The following LIN52 variants were observed in gnomAD, a reference collection of about 807,000 sequenced individuals.
LIN52 encodes protein lin-52 homolog.
LIN52 carries 4 observed loss-of-function variants against 18.5 expected under a neutral mutation model. The ratio of observed to expected loss-of-function variants is 0.22; its 90% CI spans 0.11 to 0.49. The LOEUF is 0.49. Ranked by LOEUF, LIN52 falls within the 20% of genes least tolerant of loss-of-function variation. The pLI is 0.97. For missense variants in LIN52, 102 were observed against 139.5 expected, an observed-to-expected ratio of 0.73 and a Z score of 1.35; for synonymous variants, 34 against 45.5, an observed-to-expected ratio of 0.75 and a Z score of 1.02.
At chr14:74,114,802 A>G (rs1433933193) in intron 5 of LIN52, among the ~76,000 whole-genome samples, 2 of 152,206 alleles carry the variant, frequency 1.3e-5, no homozygotes, top group African/African-American at 4.8e-5. Context: ...AAAGAAATCA[A>G]TATGTGAAAT....
intron 5 of LIN52, among the ~76,000 whole-genome samples, chr14:74,195,212 G>C (rs966705051): frequency 6.6e-6 from 1 of 152,108 alleles, no homozygotes; most frequent in African/African-American, 2.4e-5. Context: ...TCCCAATCTT[G>C]TTGTGTCTAG....
intron 1 of LIN52, among the ~76,000 whole-genome samples, chr14:74,090,126 C>G (rs1052899743): frequency 2.0e-5 from 3 of 148,428 alleles, no homozygotes; most frequent in African/African-American, 7.5e-5. Context: ...TCAAACGATT[C>G]TCCTGCCTCA....
intron 5 of LIN52, among the ~76,000 whole-genome samples, chr14:74,193,747 G>A (rs551676078): frequency 6.6e-6 from 1 of 152,150 alleles, no homozygotes; most frequent in Non-Finnish European, 1.5e-5. Context: ...TTGGTAATTT[G>A]CCTATGTGGC....
At chr14:74,166,083 G>T (rs1490809565) in intron 5 of LIN52, among the ~76,000 whole-genome samples, 1 of 151,118 alleles carries the variant, frequency 6.6e-6, no homozygotes, top group Non-Finnish European at 1.5e-5. Context: ...TGGAGACGGG[G>T]TTTCTCCATG....
chr14:74,135,327 T>A (rs973713109), intron 5 of LIN52, among the ~76,000 whole-genome samples: 4 of 152,212 alleles, frequency 2.6e-5, no homozygotes, highest in Non-Finnish European at 5.9e-5. Flanking sequence ...CCTCCCAAAG[T>A]GCTGGGATTA....
chr14:74,130,278 G>GTTTTTTTTTTGTT (rs1566856483), intron 5 of LIN52, among the ~76,000 whole-genome samples: 1 of 64,842 alleles, frequency 1.5e-5, no homozygotes, highest in East Asian at 4.6e-4. Context: ...GCATTTTTTG[G>GTTTTTTTTTTGTT]TTTTTTTTTT....
intron 5 of LIN52, among the ~76,000 whole-genome samples, chr14:74,129,871 A>G (rs1012375379): frequency 1.3e-5 from 2 of 152,174 alleles, no homozygotes; most frequent in Non-Finnish European, 2.9e-5. Flanking sequence ...TGCTGCTGAT[A>G]AAGACATACC....
chr14:74,137,950 C>T (rs543514950), intron 5 of LIN52, among the ~76,000 whole-genome samples: 2 of 152,172 alleles, frequency 1.3e-5, no homozygotes, highest in South Asian at 2.1e-4. Context: ...TTCTGGTATC[C>T]TCTCCTTCTT....
chr14:74,157,287 C>A (rs536466746), intron 5 of LIN52, among the ~76,000 whole-genome samples: 33 of 152,040 alleles, frequency 2.2e-4, no homozygotes, highest in Non-Finnish European at 3.2e-4. Context: ...CCCGCCTCAG[C>A]CTCCCAAAGT....
intron 3 of LIN52, 139 bp downstream of exon 3, chr14:74,096,124 G>T: frequency 3.8e-6 from 2 of 529,470 alleles, no homozygotes; most frequent in South Asian, 3.0e-5. Context: ...GCAGTGGTAC[G>T]ATCTCGGCTC....
chr14:74,196,341 T>C (rs1247926896), intron 5 of LIN52, among the ~76,000 whole-genome samples: 1 of 152,184 alleles, frequency 6.6e-6, no homozygotes, highest in African/African-American at 2.4e-5. Flanking sequence ...ATATTGGTCA[T>C]TTTCCCATTT....
intron 5 of LIN52, among the ~76,000 whole-genome samples, chr14:74,103,474 C>G (rs1426508721): frequency 6.8e-6 from 1 of 147,906 alleles, no homozygotes; most frequent in African/African-American, 2.5e-5. Flanking sequence ...CTCTTGTTGC[C>G]CAGGCTGGAG....
At chr14:74,130,295 T>TTTTTTTTTTTTTTTTTTTTTTTC (rs1315000657) in intron 5 of LIN52, among the ~76,000 whole-genome samples, 9 of 140,276 alleles carry the variant, frequency 6.4e-5, no homozygotes, top group Non-Finnish European at 1.1e-4. Context: ...TTTTTTTTTT[T>TTTTTTTTTTTTTTTTTTTTTTTC]TGAGACAGTC....
rs2061150902 is a variant in LIN52 at position 74,145,847 on chromosome 14, G to A, written c.283+44609G>A. On this transcript the variant is annotated intron_variant, in intron 5 of 5. Coordinates refer to ENST00000555028, the MANE Select transcript of LIN52 (RefSeq NM_001024674.3). ...TTTTGAAACCAGTCCAAAACACCTT[G>A]CCCTGTGTCTGAGGGTGTTTTTTTC... Among the ~76,000 whole-genome samples, 3 of 152,176 alleles carry A rather than the reference G, an allele frequency of 2.0e-5. No homozygotes were observed. In the South Asian group the frequency reaches 6.2e-4, roughly 32 times the overall value.
At chr14:74,166,783 G>A (rs1408115666) in intron 5 of LIN52, among the ~76,000 whole-genome samples, 3 of 152,046 alleles carry the variant, frequency 2.0e-5, no homozygotes, top group Non-Finnish European at 2.9e-5. Flanking sequence ...ATTCACTTGG[G>A]AAAAAATAAA....
chr14:74,092,720 C>G (rs1456954388), intron 2 of LIN52, among the ~76,000 whole-genome samples: 12 of 151,358 alleles, frequency 7.9e-5, no homozygotes, highest in Admixed American at 7.2e-4. Context: ...AGTTTGAGAC[C>G]AGCCTCGCCA....
intron 5 of LIN52, among the ~76,000 whole-genome samples, chr14:74,126,985 G>C (rs1047233379): frequency 1.5e-4 from 23 of 152,074 alleles, no homozygotes; most frequent in Non-Finnish European, 1.5e-5. Context: ...ATTTAGCTTC[G>C]TGACCTTGGT....
intron 5 of LIN52, among the ~76,000 whole-genome samples, chr14:74,134,903 G>A (rs2061088989): frequency 6.6e-6 from 1 of 152,152 alleles, no homozygotes; most frequent in Non-Finnish European, 1.5e-5. Flanking sequence ...CTTCCTTATA[G>A]TAATTTTGAA....
At chr14:74,165,347 G>A (rs2061243944) in intron 5 of LIN52, among the ~76,000 whole-genome samples, 1 of 151,830 alleles carries the variant, frequency 6.6e-6, no homozygotes, top group Admixed American at 6.6e-5. Flanking sequence ...AAAATCAGGA[G>A]GTAGCAATAC....
Sources: gnomAD v4.1 joint callset for allele counts (sites outside exome capture counted in the v4.1 genomes callset) on GRCh38, gnomAD v4.1.1 for gene constraint, MANE v1.5 for transcripts, NCBI Gene and HGNC (gene_info 2026-07-23, HGNC 2026-07-21) for gene names.